RPS6KC1: variants seen among roughly 807,000 people sequenced by gnomAD.
RPS6KC1 encodes the protein ribosomal protein S6 kinase C1, also known as inactive ribosomal protein S6 kinase delta-1.
Under a neutral mutation model 103.8 loss-of-function variants are expected in RPS6KC1, and 54 were observed. The ratio of observed to expected loss-of-function variants is 0.52; its 90% CI spans 0.42 to 0.65. RPS6KC1 has a LOEUF of 0.65. RPS6KC1 is among the 30% of genes least tolerant of loss of function. The probability of loss-of-function intolerance (pLI) is 0.00; values close to 1 mark genes in which losing one functional copy is unlikely to be tolerated. For missense variants in RPS6KC1, 1,151 were observed against 1,253.8 expected, an observed-to-expected ratio of 0.92 and a Z score of 1.24; for synonymous variants, 439 against 438.7, an observed-to-expected ratio of 1.00 and a Z score of -0.01.
At chr1:213,563,451 A>G in the RPS6KC1 span, among the ~76,000 whole-genome samples, 5 of 152,172 alleles carry the variant, frequency 3.3e-5, no homozygotes, top group Admixed American at 6.5e-5. Flanking sequence ...ATTTGTTACA[A>G]TTACTGATAC....
At chr1:213,518,592 T>A in the RPS6KC1 span, among the ~76,000 whole-genome samples, 2 of 152,150 alleles carry the variant, frequency 1.3e-5, no homozygotes, top group African/African-American at 4.8e-5. Flanking sequence ...GTCGCTGATG[T>A]TATGGTGATT....
the RPS6KC1 span, among the ~76,000 whole-genome samples, chr1:213,417,379 G>A: frequency 2.0e-5 from 3 of 152,268 alleles, no homozygotes; most frequent in Admixed American, 6.5e-5. Flanking sequence ...TTCAAACCAC[G>A]CAATGCCCCG....
chr1:213,498,675 C>T, the RPS6KC1 span, among the ~76,000 whole-genome samples: 9 of 152,054 alleles, frequency 5.9e-5, no homozygotes, highest in African/African-American at 9.6e-5. Context: ...AGGCTGGTCT[C>T]GATCTTCTGG....
At chr1:213,439,168 G>A in the RPS6KC1 span, among the ~76,000 whole-genome samples, 1 of 152,126 alleles carries the variant, frequency 6.6e-6, no homozygotes, top group Non-Finnish European at 1.5e-5. Flanking sequence ...ACACCATGGG[G>A]TTTCCAAATG....
At chr1:213,088,930 A>G (rs969324158) in intron 3 of RPS6KC1, among the ~76,000 whole-genome samples, 1 of 152,228 alleles carries the variant, frequency 6.6e-6, no homozygotes, top group Non-Finnish European at 1.5e-5. Flanking sequence ...ATTTGGGGAC[A>G]AGATACAGAG....
the RPS6KC1 span, among the ~76,000 whole-genome samples, chr1:213,417,708 C>T: frequency 3.3e-5 from 5 of 152,074 alleles, no homozygotes; most frequent in African/African-American, 7.2e-5. Flanking sequence ...TGCTTTCGGG[C>T]GGGCTCCCTC....
chr1:213,301,610 G>T, the RPS6KC1 span, among the ~76,000 whole-genome samples: 1 of 152,132 alleles, frequency 6.6e-6, no homozygotes, highest in African/African-American at 2.4e-5. Flanking sequence ...GAGGTGAGAG[G>T]ATTGCTTGAG....
chr1:213,096,595 G>A (rs558541755), intron 3 of RPS6KC1, among the ~76,000 whole-genome samples: 2 of 152,166 alleles, frequency 1.3e-5, no homozygotes, highest in African/African-American at 4.8e-5. Context: ...AACCCGGGAG[G>A]CGGAGGTTGC....
At chr1:213,628,747 G>A in the RPS6KC1 span, among the ~76,000 whole-genome samples, 1 of 152,118 alleles carries the variant, frequency 6.6e-6, no homozygotes, top group African/African-American at 2.4e-5. Flanking sequence ...TCTACACTCT[G>A]CTTTGAATGT....
At chr1:213,800,019 T>C in the RPS6KC1 span, among the ~76,000 whole-genome samples, 3 of 152,340 alleles carry the variant, frequency 2.0e-5, no homozygotes, top group South Asian at 6.2e-4. Context: ...CTGCTGTCTC[T>C]TCCTCTTCTT....
chr1:213,664,403 T>C, the RPS6KC1 span, among the ~76,000 whole-genome samples: 1 of 152,042 alleles, frequency 6.6e-6, no homozygotes, highest in East Asian at 1.9e-4. Flanking sequence ...TGACCACTGG[T>C]CACATGTCCA....
chr1:213,216,441 T>A (rs2093662241), intron 8 of RPS6KC1, among the ~76,000 whole-genome samples: 1 of 152,190 alleles, frequency 6.6e-6, no homozygotes, highest in African/African-American at 2.4e-5. Context: ...AACACCGCAC[T>A]GTCAACATTA....
At chr1:213,303,061 T>A in the RPS6KC1 span, among the ~76,000 whole-genome samples, 1 of 152,206 alleles carries the variant, frequency 6.6e-6, no homozygotes, top group Non-Finnish European at 1.5e-5. Flanking sequence ...CTCGACTGTA[T>A]GTATGCCTTC....
chr1:213,494,433 A>G, the RPS6KC1 span, among the ~76,000 whole-genome samples: 8 of 152,122 alleles, frequency 5.3e-5, no homozygotes, highest in Non-Finnish European at 7.4e-5. Flanking sequence ...AGAAAAATGT[A>G]GAGAAATGGA....
At chr1:213,212,940 G>C (rs554203325) in intron 8 of RPS6KC1, among the ~76,000 whole-genome samples, 14 of 152,178 alleles carry the variant, frequency 9.2e-5, no homozygotes, top group African/African-American at 2.6e-4. Flanking sequence ...ATTATTAAGA[G>C]TTCTTTGTAT....
intron 3 of RPS6KC1, among the ~76,000 whole-genome samples, chr1:213,088,572 G>C (rs953405576): frequency 6.6e-6 from 1 of 152,044 alleles, no homozygotes; most frequent in African/African-American, 2.4e-5. Context: ...GCTCAGGCTG[G>C]TCTCGAACTC....
the RPS6KC1 span, among the ~76,000 whole-genome samples, chr1:213,377,884 G>A: frequency 6.6e-6 from 1 of 152,170 alleles, no homozygotes; most frequent in Admixed American, 6.5e-5. Context: ...TGAATAAATA[G>A]GAAAATCCTA....
At chr1:213,838,339 C>T in the RPS6KC1 span, among the ~76,000 whole-genome samples, 1 of 152,142 alleles carries the variant, frequency 6.6e-6, no homozygotes, top group African/African-American at 2.4e-5. Flanking sequence ...GCCAAGAAGA[C>T]CTAAGCAGAA....
chr1:213,711,791 G>A, the RPS6KC1 span, among the ~76,000 whole-genome samples: 1 of 152,202 alleles, frequency 6.6e-6, no homozygotes, highest in Non-Finnish European at 1.5e-5. Flanking sequence ...GTCTGCTGGT[G>A]TTTTCTGGAG....
Sources: gnomAD v4.1 joint callset for allele counts (sites outside exome capture counted in the v4.1 genomes callset) on GRCh38, gnomAD v4.1.1 for gene constraint, MANE v1.5 for transcripts, NCBI Gene and HGNC (gene_info 2026-07-23, HGNC 2026-07-21) for gene names.